MAP7: variants seen among roughly 807,000 people sequenced by gnomAD.
MAP7 encodes ensconsin.
Under a neutral mutation model 94.8 loss-of-function variants are expected in MAP7, and 52 were observed. The observed-to-expected ratio is 0.55, with a 90% confidence interval of 0.44 to 0.69. The LOEUF (loss-of-function observed/expected upper bound fraction) is 0.69, where lower values mean the gene tolerates loss of function less well. Ranked by LOEUF, MAP7 falls within the 30% of genes least tolerant of loss-of-function variation. The pLI is 0.00. For synonymous variants in MAP7, 350 were observed against 357.0 expected (o/e 0.98, Z 0.22); for missense variants, 940 against 964.6 (o/e 0.97, Z 0.34).
rs1788782121 is a variant in MAP7, at chr6:136,350,209, A to ATTCTTTG, written c.2016-4131_2016-4130insCAAAGAA. Among the ~76,000 whole-genome samples, 14 of 152,292 alleles carry ATTCTTTG rather than the reference A, an allele frequency of 9.2e-5. No individual in the cohort carries two copies. The South Asian group carries it at 2.9e-3, about 32-fold the overall frequency. On this transcript the variant is annotated intron_variant, in intron 16 of 17. Transcript: ENST00000354570. ...ACCATGTTCTTTGGCAGGGACCCCG[A>ATTCTTTG]GCATTTCCATTAATCAGTGATTTAA...
At position 136,449,864 on chromosome 6, in the gene MAP7, A is replaced by C. The variant is rs1278003296; in HGVS notation, c.68-28065T>G. Among the ~76,000 whole-genome samples the C allele has an allele frequency of 3.3e-5, 5 of 152,310 alleles. No individual in the cohort carries two copies. In the East Asian group the frequency reaches 9.6e-4, roughly 29 times the overall value. ...AGTTCTTGAAGGAATACAACAAAGGAACCTGAATAAATGCAACTTTTTAAA... is the reference window on the plus strand; with the variant it reads ...AGTTCTTGAAGGAATACAACAAAGGCACCTGAATAAATGCAACTTTTTAAA... On this transcript the variant is annotated intron_variant, in intron 1 of 17. Transcript: ENST00000354570.
intron 1 of MAP7, chr6:136,466,617 T>TAAA: frequency 1.8e-6 from 1 of 546,674 alleles, no homozygotes; most frequent in Non-Finnish European, 2.9e-6. Flanking sequence ...AAACAATGAT[T>TAAA]AAAAAAAAAA....
chr6:136,419,616 A>AT (rs1181690568), intron 2 of MAP7, among the ~76,000 whole-genome samples: 2 of 152,152 alleles, frequency 1.3e-5, no homozygotes, highest in African/African-American at 4.8e-5. Flanking sequence ...ATAAGCTCTT[A>AT]TTTTTAAAGG....
chr6:136,456,785 A>AGAAGAG (rs1562422012), intron 1 of MAP7, among the ~76,000 whole-genome samples: 2 of 73,302 alleles, frequency 2.7e-5, no homozygotes, highest in Non-Finnish European at 6.5e-5. Context: ...AAGAAGAAGA[A>AGAAGAG]GAAGAAGAAG....
chr6:136,456,864 A>T (rs1038758478), intron 1 of MAP7, among the ~76,000 whole-genome samples: 1 of 144,258 alleles, frequency 6.9e-6, no homozygotes, highest in African/African-American at 2.5e-5. Flanking sequence ...AAGAAGAAGA[A>T]GAAGAAGAAA....
intron 1 of MAP7, among the ~76,000 whole-genome samples, chr6:136,484,575 C>T (rs1262769356): frequency 6.6e-6 from 1 of 152,168 alleles, no homozygotes; most frequent in Admixed American, 6.5e-5. Context: ...GTTGGGAAGT[C>T]ATTTTCTTAA....
At chr6:136,496,251 C>T (rs901196068) in intron 1 of MAP7, among the ~76,000 whole-genome samples, 2 of 152,188 alleles carry the variant, frequency 1.3e-5, no homozygotes, top group Admixed American at 1.3e-4. Flanking sequence ...TTAGTAGCAG[C>T]TCCTAATTAC....
chr6:136,402,696 G>A (rs1037240242), intron 3 of MAP7, among the ~76,000 whole-genome samples: 1 of 152,214 alleles, frequency 6.6e-6, no homozygotes, highest in South Asian at 2.1e-4. Context: ...CACGAGGTCA[G>A]GAGATCGAGA....
chr6:136,489,051 G>T (rs1815666901), intron 1 of MAP7, among the ~76,000 whole-genome samples: 1 of 152,106 alleles, frequency 6.6e-6, no homozygotes, highest in Non-Finnish European at 1.5e-5. Context: ...ACCACATCCA[G>T]CTCCGATTTC....
intron 1 of MAP7, among the ~76,000 whole-genome samples, chr6:136,530,424 T>C (rs1828387954): frequency 6.6e-6 from 1 of 152,192 alleles, no homozygotes; most frequent in African/African-American, 2.4e-5. Flanking sequence ...TTAATGCATC[T>C]CCCCAAGATA....
At chr6:136,456,764 GGAGGAA>G (rs1219983527) in intron 1 of MAP7, among the ~76,000 whole-genome samples, 11 of 24,356 alleles carry the variant, frequency 4.5e-4, no homozygotes, top group African/African-American at 1.6e-3. Context: ...AGGAGGAGGA[GGAGGAA>G]GAAGAAGAAG....
chr6:136,423,651 T>A (rs1434247632), intron 1 of MAP7, among the ~76,000 whole-genome samples: 1 of 151,698 alleles, frequency 6.6e-6, no homozygotes, highest in Non-Finnish European at 1.5e-5. Context: ...TTAGTCCTTC[T>A]GATTCAGGGT....
intron 2 of MAP7, among the ~76,000 whole-genome samples, chr6:136,421,402 C>A (rs1174313904): frequency 3.3e-5 from 5 of 152,182 alleles, no homozygotes; most frequent in African/African-American, 1.2e-4. Context: ...TAAATGAGTG[C>A]ATCCACATAC....
rs996603399 is a variant in MAP7 at position 136,350,813 on chromosome 6, G to A, written c.2016-4734C>T. On this transcript the variant is annotated intron_variant, in intron 16 of 17. Coordinates refer to ENST00000354570, the MANE Select transcript of MAP7 (RefSeq NM_003980.6). ...GTAGAGGCTGCAGTGAGCCATGCTC[G>A]TACCACTGCACTCCAGGCTTGGTGA... is the stretch of plus-strand genomic sequence containing the variant. 4.6e-5 allele frequency among the ~76,000 whole-genome samples: 7 copies of A among 152,272 alleles called. No individual in the cohort carries two copies. In the South Asian group the frequency reaches 8.3e-4, roughly 18 times the overall value.
At chr6:136,395,998 C>T (rs1051271072) in intron 3 of MAP7, among the ~76,000 whole-genome samples, 2 of 151,962 alleles carry the variant, frequency 1.3e-5, no homozygotes, top group Non-Finnish European at 2.9e-5. Context: ...TCAGGTCGTA[C>T]GATGCCTCCA....
chr6:136,451,985 A>G (rs1801270353), intron 1 of MAP7, among the ~76,000 whole-genome samples: 1 of 152,194 alleles, frequency 6.6e-6, no homozygotes, highest in Non-Finnish European at 1.5e-5. Context: ...TCATGAGATC[A>G]GGGGTTCAAG....
chr6:136,414,125 C>T (rs1351640270), intron 2 of MAP7, among the ~76,000 whole-genome samples: 2 of 150,666 alleles, frequency 1.3e-5, no homozygotes, highest in East Asian at 3.9e-4. Flanking sequence ...TGGTAGCGGG[C>T]GCCTGTAGTC....
At position 136,448,051 on chromosome 6, in the gene MAP7, G is replaced by A. The variant is rs531089705; in HGVS notation, c.68-26252C>T. ...CTAAAAATACAAAAAAATTAGCTGG[G>A]CGTGGTGGCACCTGCCTGTAATCCC... is the stretch of plus-strand genomic sequence containing the variant. On this transcript the variant is annotated intron_variant, in intron 1 of 17. Transcript: ENST00000354570. Among the ~76,000 whole-genome samples, 307 of 152,186 alleles carry A rather than the reference G, an allele frequency of 2.0e-3. 1 individual carries two copies. Among genetic ancestry groups the A allele is most frequent in the African/African-American group, 6.7e-3 (278 of 41,534 alleles).
chr6:136,509,435 T>G (rs1822565824), intron 1 of MAP7, among the ~76,000 whole-genome samples: 1 of 152,216 alleles, frequency 6.6e-6, no homozygotes, highest in African/African-American at 2.4e-5. Flanking sequence ...AGTTTTTTTG[T>G]AAAGATGCAG....
Sources: gnomAD v4.1 joint callset for allele counts (sites outside exome capture counted in the v4.1 genomes callset) on GRCh38, gnomAD v4.1.1 for gene constraint, MANE v1.5 for transcripts, NCBI Gene and HGNC (gene_info 2026-07-23, HGNC 2026-07-21) for gene names.